The following ERBB4 variants were observed in gnomAD, a reference collection of about 807,000 sequenced individuals.
ERBB4 encodes erb-b2 receptor tyrosine kinase 4.
A neutral mutation model predicts 158.0 loss-of-function variants in ERBB4; 42 were observed. The observed-to-expected ratio is 0.27, with a 90% CI of 0.21 to 0.34. The LOEUF (loss-of-function observed/expected upper bound fraction) is 0.34. ERBB4 is among the 10% of genes least tolerant of loss of function. The probability of loss-of-function intolerance (pLI) is 1.00; values close to 1 mark genes in which losing one functional copy is unlikely to be tolerated. For synonymous variants in ERBB4, 583 were observed against 558.7 expected (o/e 1.04, Z -0.61); for missense variants, 1,333 against 1,624.1 (o/e 0.82, Z 3.08).
In ERBB4 at chr2:211,890,439, C is replaced by T. The variant is rs187525396; in HGVS notation, c.421+56991G>A. ...ATGGAAAGGAACAACTGGTACCAGC[C>T]GCTGCAAAATCATGCCAAAATGTAC... is the stretch of plus-strand genomic sequence containing the variant. On this transcript the variant is annotated intron_variant, in intron 3 of 27. Transcript: ENST00000342788. 3.8e-3 allele frequency among the ~76,000 whole-genome samples: 569 copies of T among 151,458 alleles called. 4 individuals carry two copies. Among genetic ancestry groups the T allele is most frequent in the African/African-American group, 0.013 (539 of 41,162 alleles).
chr2:212,043,413 A>C (rs2077185102), intron 2 of ERBB4, among the ~76,000 whole-genome samples: 1 of 152,128 alleles, frequency 6.6e-6, no homozygotes, highest in Non-Finnish European at 1.5e-5. Context: ...ATAAATGAGA[A>C]TCTCTCTGTA....
intron 1 of ERBB4, among the ~76,000 whole-genome samples, chr2:212,359,343 T>C (rs1287631756): frequency 6.6e-6 from 1 of 151,628 alleles, no homozygotes; most frequent in Non-Finnish European, 1.5e-5. Context: ...ATGATCTGTA[T>C]TGAGAAGGCA....
chr2:211,831,182 T>G (rs993710123), intron 3 of ERBB4, among the ~76,000 whole-genome samples: 2 of 152,184 alleles, frequency 1.3e-5, no homozygotes, highest in Admixed American at 1.3e-4. Context: ...TCAGTTCTTG[T>G]AAGACAGTTC....
chr2:212,102,017 T>C (rs181600360), intron 2 of ERBB4, among the ~76,000 whole-genome samples: 78 of 149,580 alleles, frequency 5.2e-4, no homozygotes, highest in African/African-American at 1.8e-3. Context: ...ATTATGTGGG[T>C]AGAACTCTTT....
At chr2:211,543,373 T>C (rs185990598) in intron 20 of ERBB4, among the ~76,000 whole-genome samples, 12 of 152,118 alleles carry the variant, frequency 7.9e-5, no homozygotes, top group Admixed American at 2.0e-4. Flanking sequence ...TTAAAGCATA[T>C]TGTAGTAATA....
intron 5 of ERBB4, among the ~76,000 whole-genome samples, chr2:211,735,887 T>C (rs2074582574): frequency 6.6e-6 from 1 of 151,880 alleles, no homozygotes; most frequent in African/African-American, 2.4e-5. Context: ...GCAGAGTGGC[T>C]CACGTCTGTA....
At chr2:211,984,277 A>G (rs970333456) in intron 2 of ERBB4, among the ~76,000 whole-genome samples, 8 of 152,188 alleles carry the variant, frequency 5.3e-5, no homozygotes, top group African/African-American at 1.7e-4. Flanking sequence ...CAAAGGCCCC[A>G]CTTTTTAATA....
At chr2:211,836,640 A>G (rs2077349174) in intron 3 of ERBB4, among the ~76,000 whole-genome samples, 1 of 152,122 alleles carries the variant, frequency 6.6e-6, no homozygotes, top group African/African-American at 2.4e-5. Context: ...GTTGAAGAAT[A>G]GTGAGAACAC....
chr2:212,476,858 A>G (rs571183324), intron 1 of ERBB4, among the ~76,000 whole-genome samples: 1 of 152,268 alleles, frequency 6.6e-6, no homozygotes, highest in East Asian at 1.9e-4. Context: ...CTCTTGCATC[A>G]TCACGAAGCA....
intron 3 of ERBB4, among the ~76,000 whole-genome samples, chr2:211,879,813 G>A (rs1300626821): frequency 2.0e-5 from 3 of 151,906 alleles, no homozygotes; most frequent in Non-Finnish European, 4.4e-5. Flanking sequence ...TACAAAAGGG[G>A]AGCATATGAT....
intron 1 of ERBB4, among the ~76,000 whole-genome samples, chr2:212,528,027 G>C (rs1692547273): frequency 6.6e-6 from 1 of 151,860 alleles, no homozygotes; most frequent in African/African-American, 2.4e-5. Context: ...CTGATTCGAA[G>C]TTTTCTCAAG....
chr2:211,739,123 T>C (rs2074705684), intron 5 of ERBB4, among the ~76,000 whole-genome samples: 2 of 152,188 alleles, frequency 1.3e-5, no homozygotes, highest in Admixed American at 6.5e-5. Context: ...AGACTATATA[T>C]AGTCTATCCT....
At chr2:212,219,701 T>A (rs1223954020) in intron 1 of ERBB4, among the ~76,000 whole-genome samples, 1 of 151,238 alleles carries the variant, frequency 6.6e-6, no homozygotes, top group Non-Finnish European at 1.5e-5. Flanking sequence ...ACACCCCATA[T>A]CCTGATCATT....
At chr2:212,391,666 T>C (rs190558505) in intron 1 of ERBB4, among the ~76,000 whole-genome samples, 48 of 136,496 alleles carry the variant, frequency 3.5e-4, no homozygotes, top group African/African-American at 1.3e-3. Context: ...TATTATGTAT[T>C]ATATTTTATA....
At chr2:211,450,891 AAG>A (rs1164099204) in intron 20 of ERBB4, among the ~76,000 whole-genome samples, 6 of 152,178 alleles carry the variant, frequency 3.9e-5, no homozygotes, top group Non-Finnish European at 7.4e-5. Flanking sequence ...CACGAGGAGA[AAG>A]AATTTATCAC....
chr2:212,297,283 G>A (rs1262979541), intron 1 of ERBB4, among the ~76,000 whole-genome samples: 1 of 151,946 alleles, frequency 6.6e-6, no homozygotes, highest in African/African-American at 2.4e-5. Context: ...GTGTGTGTAT[G>A]GTACATGTTT....
intron 1 of ERBB4, among the ~76,000 whole-genome samples, chr2:212,127,461 G>A (rs1030094866): frequency 3.9e-5 from 6 of 152,114 alleles, no homozygotes; most frequent in African/African-American, 9.6e-5. Context: ...GCCTGGTGGC[G>A]GGTGCCTGTA....
chr2:211,413,659 C>T (rs540841073), intron 25 of ERBB4, among the ~76,000 whole-genome samples: 1 of 152,128 alleles, frequency 6.6e-6, no homozygotes, highest in African/African-American at 2.4e-5. Context: ...TAACTTGTGT[C>T]CATAGGGTTT....
intron 2 of ERBB4, among the ~76,000 whole-genome samples, chr2:212,017,802 A>C (rs997160954): frequency 1.3e-5 from 2 of 152,158 alleles, no homozygotes; most frequent in South Asian, 4.1e-4. Context: ...TTGCCTCTGG[A>C]AGTTTAGTGA....
Sources: allele counts gnomAD v4.1 joint callset (sites outside exome capture counted in the v4.1 genomes callset), GRCh38; gene constraint gnomAD v4.1.1; transcripts MANE v1.5; gene names NCBI Gene and HGNC (gene_info 2026-07-23, HGNC 2026-07-21).